Variants in CENPK observed in about 807,000 individuals in gnomAD.
CENPK encodes the protein centromere protein K.
A neutral mutation model predicts 40.9 loss-of-function variants in CENPK; 46 were observed. The observed-to-expected ratio is 1.13, with a 90% confidence interval of 0.89 to 1.44. The LOEUF is 1.44. Ranked by LOEUF, CENPK falls within the 40% of genes most tolerant of loss-of-function variation. The pLI is 0.00. For missense variants in CENPK, 288 were observed against 303.5 expected, an observed-to-expected ratio of 0.95 and a Z score of 0.38; for synonymous variants, 107 against 104.4, an observed-to-expected ratio of 1.02 and a Z score of -0.15.
At chr5:65,519,586 G>A (rs950049999) in intron 10 of CENPK, among the ~76,000 whole-genome samples, 2 of 152,064 alleles carry the variant, frequency 1.3e-5, no homozygotes, top group Non-Finnish European at 2.9e-5. Flanking sequence ...ACTGAAAGAT[G>A]CTATTATTTT....
At chr5:65,542,913 A>T in intron 5 of CENPK, 65 bp from the exon 6 acceptor site, 2 of 1,440,426 alleles carry the variant, frequency 1.4e-6, no homozygotes, top group African/African-American at 2.9e-5. Flanking sequence ...TCAAGAATTT[A>T]ATTTTGCGGT....
chr5:65,555,731 T>C (rs1393581595), intron 2 of CENPK, among the ~76,000 whole-genome samples: 1 of 152,212 alleles, frequency 6.6e-6, no homozygotes, highest in East Asian at 1.9e-4. Flanking sequence ...AGCATGTATA[T>C]GGACTGTCAG....
At chr5:65,548,022 G>A (rs1221481466) in intron 5 of CENPK, among the ~76,000 whole-genome samples, 2 of 152,118 alleles carry the variant, frequency 1.3e-5, no homozygotes, top group Non-Finnish European at 2.9e-5. Flanking sequence ...GACTAAGAAG[G>A]GAAGCATGGG....
chr5:65,543,846 C>T (rs2150460647), intron 5 of CENPK, among the ~76,000 whole-genome samples: 1 of 152,236 alleles, frequency 6.6e-6, no homozygotes, highest in Middle Eastern at 3.4e-3. Flanking sequence ...ATGTCAGCTT[C>T]CTTTCTAAAG....
Position 65,563,148 on chromosome 5 carries a change from T to TTGCCAGCCCC in CENPK, c.-202_-193dup, listed in dbSNP as rs1485277906. ...CGCCTAGGCGCTGCGCAGGAAGCGC[T>TTGCCAGCCCC]TGCCAGCCCCGGACTTCTGCGCGCG... On this transcript the variant is annotated 5_prime_UTR_variant, in exon 1 of 11. Transcript: ENST00000396679. 5 of 898,142 alleles carry TTGCCAGCCCC rather than the reference T, an allele frequency of 5.6e-6. No homozygotes were observed. In the East Asian group the frequency reaches 8.0e-5, roughly 14 times the overall value. 55.6% of individuals were successfully genotyped at this position (898,142 alleles called of 1,614,324 possible). A position where few individuals can be genotyped will look rare whatever the true frequency, so the allele number is the denominator to read the frequency against.
chr5:65,551,583 C>A lies in CENPK; in HGVS notation c.222G>T (p.Trp74Cys). ...VKCLTAELSQ[W>C]QKKTPETIPL... is the part of the protein sequence containing the mutation. ...TCTTACTTTCAGGTGTTTTTTTCTG[C>A]CATTGACTGAGTTCAGCGGTTAAAC... Residue 74 changes from tryptophan (W) to cysteine (C), a missense_variant, in exon 5 of 11, where the codon TGG becomes TGT. Physicochemically the swap from Trp to Cys is radical, Grantham distance 215. Transcript: ENST00000396679. 1 of 1,564,368 alleles carries A rather than the reference C, an allele frequency of 6.4e-7. No individual in the cohort carries two copies. The highest frequency in any genetic ancestry group is 1.7e-4 in the Middle Eastern group (1 of 5,896).
intron 3 of CENPK, 128 bp downstream of exon 3, chr5:65,554,669 C>T: frequency 1.6e-6 from 1 of 635,898 alleles, no homozygotes; most frequent in Admixed American, 2.9e-5. Flanking sequence ...GGTCTAAAAG[C>T]TATATAAATA....
At chr5:65,549,277 G>C (rs1432287248) in intron 5 of CENPK, among the ~76,000 whole-genome samples, 1 of 151,994 alleles carries the variant, frequency 6.6e-6, no homozygotes, top group Non-Finnish European at 1.5e-5. Flanking sequence ...GCTATAAACA[G>C]GTGTACTGTC....
intron 5 of CENPK, among the ~76,000 whole-genome samples, chr5:65,549,578 G>A (rs1455125564): frequency 6.6e-6 from 1 of 152,192 alleles, no homozygotes; most frequent in East Asian, 1.9e-4. Flanking sequence ...ATCTTAGCTA[G>A]ATCTTCTGGA....
the CENPK span, among the ~76,000 whole-genome samples, chr5:65,499,320 C>T: frequency 2.9e-4 from 44 of 150,780 alleles, no homozygotes; most frequent in East Asian, 4.5e-3. Flanking sequence ...GCTGACAGTT[C>T]GTTGAGCAAT....
chr5:65,558,881 A>G (rs891480739), intron 2 of CENPK, among the ~76,000 whole-genome samples: 7 of 152,246 alleles, frequency 4.6e-5, no homozygotes, highest in Admixed American at 4.6e-4. Flanking sequence ...ACTAAGAATT[A>G]TGATAGTAGT....
At chr5:65,519,370 A>G (rs2150333317) in intron 10 of CENPK, among the ~76,000 whole-genome samples, 1 of 152,308 alleles carries the variant, frequency 6.6e-6, no homozygotes, top group African/African-American at 2.4e-5. Flanking sequence ...AATAGTTACA[A>G]TTGTTTGAAT....
the CENPK span, among the ~76,000 whole-genome samples, chr5:65,508,057 A>T: frequency 2.0e-5 from 3 of 152,350 alleles, no homozygotes; most frequent in African/African-American, 4.8e-5. Context: ...TTATTGAGAC[A>T]TCTGATTACC....
intron 6 of CENPK, among the ~76,000 whole-genome samples, chr5:65,542,192 C>T (rs934226126): frequency 1.3e-5 from 2 of 152,192 alleles, no homozygotes; most frequent in African/African-American, 4.8e-5. Flanking sequence ...ATTTAGTCCA[C>T]AGCAGAAGGA....
intron 2 of CENPK, chr5:65,561,060 C>T (rs891391646): frequency 2.0e-5 from 3 of 152,138 alleles, no homozygotes; most frequent in East Asian, 3.9e-4. Context: ...ATATTAAATA[C>T]TCCCTAGGGT....
At chr5:65,557,682 A>G (rs1751225461) in intron 2 of CENPK, among the ~76,000 whole-genome samples, 1 of 152,238 alleles carries the variant, frequency 6.6e-6, no homozygotes. Context: ...TGTGGAACAG[A>G]GAAGCTGCTC....
At chr5:65,520,183 C>T (rs777275318) in intron 10 of CENPK, among the ~76,000 whole-genome samples, 26 of 152,084 alleles carry the variant, frequency 1.7e-4, no homozygotes, top group Admixed American at 2.6e-4. Context: ...TCGCAAGATC[C>T]GGCTGCTTAA....
Position 65,528,968 on chromosome 5 carries a change from C to A in CENPK, c.421G>T (p.Val141Leu), listed in dbSNP as rs767952170. Residue 141 changes from valine (V) to leucine (L), a missense_variant, in exon 8 of 11, where the codon GTA (valine) becomes TTA (leucine). Transcript: ENST00000396679. ...EQQQIMESLN[V>L]LHSELKNKVE... is the part of the protein sequence containing the mutation. The stretch of plus-strand genomic sequence containing the variant: ...TTATTTTTCAATTCACTGTGTAGTA[C>A]ATTAAGAGATTCCATTATCTGTTGC... 1.2e-6 allele frequency: 2 copies of A among 1,610,170 alleles called. No homozygotes were observed. Among genetic ancestry groups the A allele is most frequent in the East Asian group, 4.5e-5 (2 of 44,764 alleles).
At chr5:65,532,484 C>G (rs142952502) in intron 6 of CENPK, among the ~76,000 whole-genome samples, 1 of 152,066 alleles carries the variant, frequency 6.6e-6, no homozygotes, top group East Asian at 1.9e-4. Flanking sequence ...CTCATGAACA[C>G]AGAAGCAAAA....
Sources: allele counts gnomAD v4.1 joint callset (sites outside exome capture counted in the v4.1 genomes callset), GRCh38; gene constraint gnomAD v4.1.1; transcripts MANE v1.5; gene names NCBI Gene and HGNC (gene_info 2026-07-23, HGNC 2026-07-21).